The following P3H2 variants were observed in gnomAD, a reference collection of about 807,000 sequenced individuals.
P3H2 encodes the protein prolyl 3-hydroxylase 2, also known as leprecan-like 1.
P3H2 carries 80 observed loss-of-function variants against 87.0 expected under a neutral mutation model. That is an observed-to-expected ratio of 0.92 (90% CI 0.77 to 1.11). The LOEUF (loss-of-function observed/expected upper bound fraction) is 1.11. P3H2 is among the 50% of genes least tolerant of loss of function. The pLI is 0.00. For synonymous variants in P3H2, 367 were observed against 359.3 expected (o/e 1.02, Z -0.24); for missense variants, 1,001 against 923.9 (o/e 1.08, Z -1.08).
chr3:190,064,172 T>C (rs1249251398), intron 1 of P3H2, among the ~76,000 whole-genome samples: 1 of 149,336 alleles, frequency 6.7e-6, no homozygotes, highest in African/African-American at 2.5e-5. Flanking sequence ...TTTTTTTTAA[T>C]TTTTAGTGGA....
chr3:189,971,900 G>T lies in P3H2; in HGVS notation c.1807C>A (p.Arg603=), dbSNP rs35067805. The part of the protein sequence containing the change: ...CWKEPPAYTF[R]DYSALLYMND... The stretch of plus-strand genomic sequence containing the variant: ...AGGTTCTAGCTATACCTATAGTCTC[G>T]AAATGTGTAAGCAGGAGGCTCCTTC... Residue 603 remains arginine, a synonymous_variant, in exon 12 of 15, where the codon CGA becomes AGA. Transcript: ENST00000319332. 6,958 of 1,599,650 alleles carry T rather than the reference G, an allele frequency of 4.3e-3. 26 individuals carry two copies. The highest frequency in any genetic ancestry group is 0.014 in the Middle Eastern group (85 of 6,034).
chr3:190,069,795 T>C (rs1477002949), intron 1 of P3H2, among the ~76,000 whole-genome samples: 1 of 152,182 alleles, frequency 6.6e-6, no homozygotes, highest in East Asian at 1.9e-4. Context: ...TGATGGCCAG[T>C]AACTGACCAT....
At chr3:189,982,008 G>A (rs1276490508) in intron 8 of P3H2, among the ~76,000 whole-genome samples, 1 of 152,200 alleles carries the variant, frequency 6.6e-6, no homozygotes, top group African/African-American at 2.4e-5. Flanking sequence ...TCAAATCAGA[G>A]GAATGTGCTG....
chr3:189,980,765 TAA>T (rs1723508780), intron 8 of P3H2, among the ~76,000 whole-genome samples: 1 of 151,992 alleles, frequency 6.6e-6, no homozygotes, highest in Admixed American at 6.5e-5. Context: ...TCCCAAGGGA[TAA>T]GAGTGTCCTT....
At chr3:190,022,836 C>CT (rs1449491312) in intron 1 of P3H2, among the ~76,000 whole-genome samples, 16 of 151,424 alleles carry the variant, frequency 1.1e-4, no homozygotes, top group Non-Finnish European at 1.8e-4. Context: ...ATATATATTT[C>CT]TTTTTTTTGA....
intron 1 of P3H2, among the ~76,000 whole-genome samples, chr3:190,015,901 G>A (rs573295389): frequency 1.3e-5 from 2 of 152,244 alleles, no homozygotes; most frequent in Admixed American, 1.3e-4. Flanking sequence ...GGACATTTGG[G>A]TGGAGAAATT....
intron 1 of P3H2, among the ~76,000 whole-genome samples, chr3:190,113,673 C>T (rs189349678): frequency 6.6e-6 from 1 of 152,198 alleles, no homozygotes; most frequent in African/African-American, 2.4e-5. Flanking sequence ...GAGAATTTCA[C>T]AGCTACCCCT....
intron 13 of P3H2, among the ~76,000 whole-genome samples, chr3:189,966,213 C>A (rs1340105213): frequency 1.3e-5 from 2 of 151,026 alleles, no homozygotes; most frequent in African/African-American, 4.9e-5. Context: ...GAGTAAATGG[C>A]CTTGGGATGT....
chr3:190,103,172 C>A (rs957141781), intron 1 of P3H2, among the ~76,000 whole-genome samples: 2 of 152,146 alleles, frequency 1.3e-5, no homozygotes, highest in Non-Finnish European at 2.9e-5. Flanking sequence ...TGCAATATTT[C>A]TGAGGTATGC....
intron 1 of P3H2, among the ~76,000 whole-genome samples, chr3:190,001,532 A>G (rs1724216701): frequency 6.6e-6 from 1 of 152,172 alleles, no homozygotes; most frequent in South Asian, 2.1e-4. Flanking sequence ...CTTAAATTTC[A>G]CAATATAGTA....
intron 1 of P3H2, among the ~76,000 whole-genome samples, chr3:190,043,835 T>G (rs755257587): frequency 6.6e-5 from 10 of 152,166 alleles, no homozygotes; most frequent in African/African-American, 9.6e-5. Context: ...GATGGAAGAT[T>G]CTCAGGGCAG....
chr3:190,001,977 C>T (rs919314407), intron 1 of P3H2, among the ~76,000 whole-genome samples: 1 of 152,044 alleles, frequency 6.6e-6, no homozygotes, highest in Non-Finnish European at 1.5e-5. Flanking sequence ...TTTGTTCAAC[C>T]TACTGAATTA....
chr3:189,997,330 C>T (rs1724082919), intron 1 of P3H2, among the ~76,000 whole-genome samples: 1 of 152,182 alleles, frequency 6.6e-6, no homozygotes, highest in African/African-American at 2.4e-5. Context: ...ATTTACCTCA[C>T]ATCAGAAAAA....
chr3:190,024,404 G>A (rs576945491), intron 1 of P3H2, among the ~76,000 whole-genome samples: 69 of 151,488 alleles, frequency 4.6e-4, no homozygotes, highest in South Asian at 4.4e-3. Context: ...TTAGCCAGGC[G>A]CGGTGGCGCA....
chr3:189,994,352 A>G, intron 2 of P3H2, 69 bp from the exon 3 acceptor site: 1 of 1,337,886 alleles, frequency 7.5e-7, no homozygotes, highest in Non-Finnish European at 1.1e-6. Flanking sequence ...CCTTATTTTC[A>G]AAGAGAAGGG....
intron 13 of P3H2, chr3:189,969,428 G>T: frequency 1.2e-6 from 1 of 820,884 alleles, no homozygotes; most frequent in Non-Finnish European, 2.1e-6. Context: ...TCTCTCGTTT[G>T]GGGGCTTGGC....
intron 1 of P3H2, among the ~76,000 whole-genome samples, chr3:190,095,305 T>C (rs1337634428): frequency 1.1e-4 from 1 of 9,348 alleles, no homozygotes; most frequent in Non-Finnish European, 2.4e-4. Flanking sequence ...TCTCAAAACA[T>C]ATATATATAT....
chr3:190,096,317 C>T (rs1458464500), intron 1 of P3H2, among the ~76,000 whole-genome samples: 1 of 152,140 alleles, frequency 6.6e-6, no homozygotes, highest in Non-Finnish European at 1.5e-5. Flanking sequence ...GCTGATTCCT[C>T]CCTTGCTGTT....
intron 1 of P3H2, among the ~76,000 whole-genome samples, chr3:190,033,120 T>A (rs1356304372): frequency 6.6e-6 from 1 of 152,124 alleles, no homozygotes; most frequent in African/African-American, 2.4e-5. Flanking sequence ...CTCGCGCTCC[T>A]AAGAGAATCT....
Sources: gnomAD v4.1 joint callset for allele counts (sites outside exome capture counted in the v4.1 genomes callset) on GRCh38, gnomAD v4.1.1 for gene constraint, MANE v1.5 for transcripts, NCBI Gene and HGNC (gene_info 2026-07-23, HGNC 2026-07-21) for gene names.